The following F3 variants were observed in gnomAD, a reference collection of about 807,000 sequenced individuals.
F3 encodes the protein coagulation factor III, tissue factor.
In F3, 18 loss-of-function variants were observed where a neutral mutation model predicts 33.5. The observed-to-expected ratio is 0.54, with a 90% CI of 0.37 to 0.80. The LOEUF is 0.80. Among genes scored for constraint, F3 ranks in the 30% least tolerant of loss-of-function variants. The pLI, the probability that F3 is intolerant of heterozygous loss-of-function variation, is 0.00. For missense variants in F3, 353 were observed against 362.1 expected, an observed-to-expected ratio of 0.97 and a Z score of 0.20; for synonymous variants, 147 against 140.7, an observed-to-expected ratio of 1.05 and a Z score of -0.32.
At chr1:94,531,109 A>C (rs1234745634) in intron 5 of F3, among the ~76,000 whole-genome samples, 1 of 152,156 alleles carries the variant, frequency 6.6e-6, no homozygotes, top group East Asian at 1.9e-4. Context: ...AGGCAGTGGA[A>C]TTAGAGCTAG....
At position 94,536,076 on chromosome 1, in the gene F3, G is replaced by T; in HGVS notation, c.301C>A (p.Gln101Lys). 1 of 1,614,140 alleles carries T rather than the reference G, an allele frequency of 6.2e-7. No individual in the cohort carries two copies. The highest frequency in any genetic ancestry group is 8.5e-7 in the Non-Finnish European group (1 of 1,180,012). ...LTDEIVKDVK[Q>K]TYLARVFSYP... ...GAGAAGACCCGTGCCAAGTACGTCT[G>T]CTTCACATCCTTCACAATCTCGTCG... The change falls in exon 3 of 6, where the codon CAG becomes AAG. Residue 101 changes from glutamine (Q) to lysine (K), a missense_variant. Physicochemically the swap from Gln to Lys is moderately conservative, Grantham distance 53. Coordinates refer to ENST00000334047, the MANE Select transcript of F3 (RefSeq NM_001993.5).
chr1:94,532,756 T>G (rs1233611067), intron 4 of F3, among the ~76,000 whole-genome samples: 1 of 152,236 alleles, frequency 6.6e-6, no homozygotes, highest in Admixed American at 6.5e-5. Context: ...GGGAGTATTA[T>G]GCATTGAACC....
At chr1:94,532,050 A>G (rs1455751280) in intron 5 of F3, among the ~76,000 whole-genome samples, 1 of 152,230 alleles carries the variant, frequency 6.6e-6, no homozygotes, top group Non-Finnish European at 1.5e-5. Context: ...TGCTCAGCAG[A>G]GGGCTTAGCA....
Position 94,540,291 on chromosome 1 carries a change from T to G in F3, c.178A>C (p.Lys60Gln). The G allele has an allele frequency of 5.6e-6, 9 of 1,614,036 alleles. No individual in the cohort carries two copies. The highest frequency in any genetic ancestry group is 7.6e-6 in the Non-Finnish European group (9 of 1,179,908). Residue 60 changes from lysine to glutamine, a missense_variant, in exon 2 of 6, where the codon AAA (lysine) becomes CAA (glutamine). Transcript: ENST00000334047. Reference protein sequence around the residue: ...NFKTILEWEPKPVNQVYTVQI... With the variant: ...NFKTILEWEPQPVNQVYTVQI... ...ACAGTGTAGACTTGATTGACGGGTTTGGGTTCCCACTCCAAAATTGTCTTG... is the reference window on the plus strand; with the variant it reads ...ACAGTGTAGACTTGATTGACGGGTTGGGGTTCCCACTCCAAAATTGTCTTG...
In F3 at chr1:94,541,593, G is replaced by A. The variant is rs1651781767; in HGVS notation, c.44C>T (p.Ala15Val). 4 of 1,472,308 alleles carry A rather than the reference G, an allele frequency of 2.7e-6. No homozygotes were observed. The highest frequency in any genetic ancestry group is 3.6e-6 in the Non-Finnish European group (4 of 1,110,314). The allele number at this position is 1,472,308 out of a possible 1,614,324, so 91.2% of individuals were successfully genotyped here. Residue 15 changes from alanine (A) to valine (V), a missense_variant, in exon 1 of 6, where the codon GCC becomes GTC. Physicochemically the swap from Ala to Val is moderately conservative, Grantham distance 64. Coordinates refer to ENST00000334047, the MANE Select transcript of F3 (RefSeq NM_001993.5). The stretch of plus-strand genomic sequence containing the variant: ...GCCGAGCAGGAGCGTCCGAGCGACG[G>A]CGGTCTCGGGGCGCGGGACCCGGGG... ...AWPRVPRPET[A>V]VARTLLLGWV...
At position 94,530,223 on chromosome 1, in the gene F3, G is replaced by A. The variant is rs1651379037; in HGVS notation, c.*237C>T. The A allele has an allele frequency of 2.3e-6, 1 of 441,184 alleles. No homozygotes were observed. The highest frequency in any genetic ancestry group is 4.0e-6 in the Non-Finnish European group (1 of 248,504). 27.3% of individuals were successfully genotyped at this position (441,184 alleles called of 1,614,324 possible). On this transcript the variant is annotated 3_prime_UTR_variant, in exon 6 of 6. Transcript: ENST00000334047. ...CATGTTATGTGCAAAAGGTGCCATG[G>A]TGTTAAAAATTAAAACTTGGAATTG...
At chr1:94,534,638 C>A (rs932140333) in intron 3 of F3, among the ~76,000 whole-genome samples, 2 of 152,058 alleles carry the variant, frequency 1.3e-5, no homozygotes, top group South Asian at 4.2e-4. Context: ...TGTGAGAAAG[C>A]CCAGGAAATG....
At chr1:94,531,149 T>C (rs747931083) in intron 5 of F3, among the ~76,000 whole-genome samples, 5 of 152,058 alleles carry the variant, frequency 3.3e-5, no homozygotes, top group Non-Finnish European at 7.4e-5. Context: ...AGGCTGTGGG[T>C]AGGATGGCTC....
intron 4 of F3, among the ~76,000 whole-genome samples, chr1:94,532,792 C>G (rs1651468825): frequency 6.6e-6 from 1 of 152,150 alleles, no homozygotes; most frequent in Non-Finnish European, 1.5e-5. Context: ...GCCTGGGATC[C>G]TCAATAGAGG....
rs3917604 is a variant in F3 at position 94,540,363 on chromosome 1, T to C, written c.106A>G (p.Thr36Ala). The C allele has an allele frequency of 1.3e-3, 2,074 of 1,610,278 alleles. 25 individuals carry two copies. In the African/African-American group the frequency reaches 0.026, roughly 20 times the overall value. ...FAQVAGASGT[T>A]NTVAAYNLTW... ...AAATTATATGCTGCCACAGTATTTG[T>C]AGTGCCTTTAAACAACAGAGAAACA... is the stretch of plus-strand genomic sequence containing the variant. The change falls in exon 2 of 6, where the codon ACA becomes GCA. Residue 36 changes from threonine (T) to alanine (A), a missense_variant. Physicochemically the swap from Thr to Ala is moderately conservative, Grantham distance 58. Transcript: ENST00000334047.
chr1:94,534,312 G>A (rs1347753585), intron 3 of F3, among the ~76,000 whole-genome samples: 1 of 152,164 alleles, frequency 6.6e-6, no homozygotes. Context: ...ACAGTCAACC[G>A]ATAGGTAGGC....
intron 4 of F3, chr1:94,532,867 G>C (rs1008438928): frequency 3.5e-6 from 2 of 571,998 alleles, no homozygotes; most frequent in African/African-American, 1.9e-5. Flanking sequence ...TGAGGAACCT[G>C]GGTCTCCGAG....
At chr1:94,532,193 TCCA>T (rs1651452815) in intron 5 of F3, 125 bp downstream of exon 5, 3 of 944,574 alleles carry the variant, frequency 3.2e-6, no homozygotes, top group Non-Finnish European at 4.7e-6. Context: ...ACAAAAAACC[TCCA>T]GGCAGTTTGT....
intron 2 of F3, among the ~76,000 whole-genome samples, chr1:94,539,579 G>A (rs1331256633): frequency 6.6e-6 from 1 of 152,128 alleles, no homozygotes; most frequent in Non-Finnish European, 1.5e-5. Flanking sequence ...CCAAGAATAT[G>A]GTGAAAACCA....
chr1:94,534,703 T>A (rs929923821), intron 3 of F3, among the ~76,000 whole-genome samples: 1 of 152,160 alleles, frequency 6.6e-6, no homozygotes, highest in African/African-American at 2.4e-5. Context: ...AATGGCTCAA[T>A]TATCTCATGT....
rs55917816 is a variant in F3 at position 94,532,955 on chromosome 1, C to G, written c.591+135G>C. 7 of 838,550 alleles carry G rather than the reference C, an allele frequency of 8.3e-6. No individual in the cohort carries two copies. In the East Asian group the frequency reaches 1.9e-4, roughly 22 times the overall value. 51.9% of individuals were successfully genotyped at this position (838,550 alleles called of 1,614,324 possible). A position where few individuals can be genotyped will look rare whatever the true frequency, so the allele number is the denominator to read the frequency against. On this transcript the variant is annotated intron_variant, in intron 4 of 5. Coordinates refer to ENST00000334047, the MANE Select transcript of F3 (RefSeq NM_001993.5). ...CTGTTGTCCACCCCTCCCCACAGTG[C>G]GCGCTCCCCCTTCTACTCCATCACC...
chr1:94,541,610 G>A lies in F3; in HGVS notation c.27C>T (p.Val9=). The A allele has an allele frequency of 6.9e-7, 1 of 1,459,176 alleles. No homozygotes were observed. Among genetic ancestry groups the A allele is most frequent in the Non-Finnish European group, 9.0e-7 (1 of 1,105,280 alleles). 90.4% of individuals were successfully genotyped at this position (1,459,176 alleles called of 1,614,324 possible). The change falls in exon 1 of 6, where the codon GTC becomes GTT. Residue 9 remains valine, a synonymous_variant. Transcript: ENST00000334047. Reference sequence around the variant, plus strand: ...GAGCGACGGCGGTCTCGGGGCGCGGGACCCGGGGCCAGGCAGGGGTCTCCA... The same window carrying A: ...GAGCGACGGCGGTCTCGGGGCGCGGAACCCGGGGCCAGGCAGGGGTCTCCA... METPAWPR[V]PRPETAVART... is the part of the protein sequence containing the mutation.
chr1:94,541,282 C>T (rs1440412119), intron 1 of F3, among the ~76,000 whole-genome samples: 1 of 152,208 alleles, frequency 6.6e-6, no homozygotes, highest in South Asian at 2.1e-4. Context: ...TCCAATTACT[C>T]GGACACCCCG....
Position 94,533,381 on chromosome 1 carries a change from A to G in F3, c.413-113T>C, listed in dbSNP as rs1651493736. On this transcript the variant is annotated intron_variant, in intron 3 of 5. Coordinates refer to ENST00000334047, the MANE Select transcript of F3 (RefSeq NM_001993.5). ...TATCTCTCATATAAAACATGTGCAT[A>G]GAACCAGCTCCCTGAAAGAAGCAGG... 3.1e-6 allele frequency: 4 copies of G among 1,288,944 alleles called. No individual in the cohort carries two copies. In the South Asian group the frequency reaches 4.0e-5, roughly 13 times the overall value. 79.8% of individuals were successfully genotyped at this position (1,288,944 alleles called of 1,614,324 possible).
Sources: allele counts gnomAD v4.1 joint callset (sites outside exome capture counted in the v4.1 genomes callset), GRCh38; gene constraint gnomAD v4.1.1; transcripts MANE v1.5; gene names NCBI Gene and HGNC (gene_info 2026-07-23, HGNC 2026-07-21).